The following GLRA2 variants were observed in gnomAD, a reference collection of about 807,000 sequenced individuals.
GLRA2 encodes the protein glycine receptor subunit alpha-2.
A neutral mutation model predicts 31.6 loss-of-function variants in GLRA2; 11 were observed. The ratio of observed to expected loss-of-function variants is 0.35; its 90% CI spans 0.22 to 0.58. The LOEUF is 0.58. Among genes scored for constraint, GLRA2 ranks in the 20% least tolerant of loss-of-function variants. The pLI, the probability that GLRA2 is intolerant of heterozygous loss-of-function variation, is 0.84. For synonymous variants in GLRA2, 132 were observed against 134.0 expected, an observed-to-expected ratio of 0.99 and a Z score of 0.10; for missense variants, 212 against 351.8, an observed-to-expected ratio of 0.60 and a Z score of 3.18.
chrX:14,666,739 A>G (rs1425297540), intron 7 of GLRA2, among the ~76,000 whole-genome samples: 1 of 112,056 alleles, frequency 8.9e-6, no homozygotes, highest in Non-Finnish European at 1.9e-5. Flanking sequence ...CTCAATACTT[A>G]CAGCAAACCT....
At chrX:14,688,267 C>A (rs772554605) in intron 7 of GLRA2, among the ~76,000 whole-genome samples, 40 of 111,875 alleles carry the variant, frequency 3.6e-4, no homozygotes, top group African/African-American at 1.3e-3. Context: ...CTTGAGGAGG[C>A]AGTCTGTCTG....
At chrX:14,587,049 C>A (rs1193735547) in intron 4 of GLRA2, among the ~76,000 whole-genome samples, 1 of 111,810 alleles carries the variant, frequency 8.9e-6, no homozygotes. Flanking sequence ...ATTTCCTACC[C>A]CCACATTAAT....
chrX:14,550,331 G>A (rs1454306283), intron 2 of GLRA2, among the ~76,000 whole-genome samples: 1 of 109,101 alleles, frequency 9.2e-6, no homozygotes, highest in Non-Finnish European at 1.9e-5. Flanking sequence ...CTGAAAGTAC[G>A]AGTGAGATAG....
intron 7 of GLRA2, among the ~76,000 whole-genome samples, chrX:14,671,758 ATGCACATAGTAT>A (rs1421000164): frequency 8.8e-6 from 1 of 112,997 alleles, no homozygotes; most frequent in Non-Finnish European, 1.9e-5. Context: ...TGTATCTGCT[ATGCACATAGTAT>A]TGCACATGCA....
chrX:14,705,806 G>C (rs989044080), intron 8 of GLRA2, among the ~76,000 whole-genome samples: 1 of 111,912 alleles, frequency 8.9e-6, no homozygotes, highest in Non-Finnish European at 1.9e-5. Context: ...ATTTTGTTGG[G>C]TGTATGATTT....
chrX:14,522,735 C>T, the GLRA2 span, among the ~76,000 whole-genome samples: 1 of 111,764 alleles, frequency 8.9e-6, no homozygotes, highest in Non-Finnish European at 1.9e-5. Flanking sequence ...GTGACCAGAA[C>T]CCTTGGGTGC....
At chrX:14,504,297 G>T in the GLRA2 span, among the ~76,000 whole-genome samples, 118 of 112,184 alleles carry the variant, frequency 1.1e-3, no homozygotes, top group African/African-American at 3.6e-3. Flanking sequence ...TCTGTGACAT[G>T]AATTTCAATG....
At chrX:14,702,946 C>T (rs1319983706) in intron 8 of GLRA2, among the ~76,000 whole-genome samples, 1 of 110,934 alleles carries the variant, frequency 9.0e-6, no homozygotes, top group Non-Finnish European at 1.9e-5. Flanking sequence ...AGAGGGGGCT[C>T]ACTTGTCTAG....
At chrX:14,600,319 C>G (rs1036640952) in intron 4 of GLRA2, among the ~76,000 whole-genome samples, 8 of 111,147 alleles carry the variant, frequency 7.2e-5, no homozygotes, top group African/African-American at 2.6e-4. Flanking sequence ...GGGTTGTTTC[C>G]AGTAACAAAC....
At chrX:14,650,054 C>T (rs1179614879) in intron 7 of GLRA2, among the ~76,000 whole-genome samples, 2 of 111,795 alleles carry the variant, frequency 1.8e-5, no homozygotes, top group African/African-American at 6.5e-5. Context: ...CTGATTATCA[C>T]AGGACTACTG....
intron 2 of GLRA2, among the ~76,000 whole-genome samples, chrX:14,558,423 A>C (rs1253708181): frequency 8.9e-6 from 1 of 112,145 alleles, no homozygotes; most frequent in Non-Finnish European, 1.9e-5. Flanking sequence ...GTTAGTGTTA[A>C]AGATAAAACA....
chrX:14,714,100 G>T (rs1490268662), intron 8 of GLRA2, among the ~76,000 whole-genome samples: 1 of 110,594 alleles, frequency 9.0e-6, no homozygotes, highest in Admixed American at 9.7e-5. Flanking sequence ...CTATTTCCTG[G>T]TTTGAAGCTT....
chrX:14,596,928 A>G (rs926779572), intron 4 of GLRA2, among the ~76,000 whole-genome samples: 3 of 111,339 alleles, frequency 2.7e-5, no homozygotes, highest in Non-Finnish European at 5.7e-5. Context: ...ATACTAAAAG[A>G]TGGTTGATCA....
At chrX:14,466,325 C>T in the GLRA2 span, among the ~76,000 whole-genome samples, 18 of 111,252 alleles carry the variant, frequency 1.6e-4, no homozygotes, top group Non-Finnish European at 2.6e-4. Context: ...GTCTAAGATA[C>T]AACTCCCTGG....
chrX:14,724,212 ACT>A (rs771500708), intron 8 of GLRA2, among the ~76,000 whole-genome samples: 8 of 111,881 alleles, frequency 7.2e-5, no homozygotes, highest in Non-Finnish European at 1.3e-4. Flanking sequence ...TTTACTTGTT[ACT>A]GTTTCCCCCT....
intron 7 of GLRA2, among the ~76,000 whole-genome samples, chrX:14,659,285 T>C (rs2090969586): frequency 8.9e-6 from 1 of 112,156 alleles, no homozygotes; most frequent in Non-Finnish European, 1.9e-5. Flanking sequence ...GAAAGTTTGC[T>C]GACTCCAGCT....
the GLRA2 span, among the ~76,000 whole-genome samples, chrX:14,506,072 G>A: frequency 8.3e-3 from 921 of 111,084 alleles, 13 homozygotes; most frequent in African/African-American, 0.029. Flanking sequence ...ATACAGTCAG[G>A]CAACAAGCTT....
chrX:14,681,935 A>ATG (rs2091215327), intron 7 of GLRA2, among the ~76,000 whole-genome samples: 12 of 77,406 alleles, frequency 1.6e-4, no homozygotes, highest in African/African-American at 5.2e-4. Flanking sequence ...ATATATGTAT[A>ATG]TATATGTGTG....
chrX:14,689,466 G>A (rs2091319701), intron 7 of GLRA2, among the ~76,000 whole-genome samples: 1 of 112,258 alleles, frequency 8.9e-6, no homozygotes, highest in African/African-American at 3.2e-5. Flanking sequence ...TACAAACTGT[G>A]ATCCTAGCAA....
Sources: allele counts gnomAD v4.1 joint callset (sites outside exome capture counted in the v4.1 genomes callset), GRCh38; gene constraint gnomAD v4.1.1; transcripts MANE v1.5; gene names NCBI Gene and HGNC (gene_info 2026-07-23, HGNC 2026-07-21).